The following ADRB3 variants were observed in gnomAD, a reference collection of about 807,000 sequenced individuals.
ADRB3 encodes the protein adrenoceptor beta 3.
ADRB3 carries 33 observed loss-of-function variants against 23.8 expected under a neutral mutation model. The ratio of observed to expected loss-of-function variants is 1.38; its 90% CI spans 1.05 to 1.85. The LOEUF is 1.85. Among genes scored for constraint, ADRB3 ranks in the 40% most tolerant of loss-of-function variants. ADRB3 has a pLI of 0.00. For missense variants in ADRB3, 600 were observed against 579.6 expected, an observed-to-expected ratio of 1.04 and a Z score of -0.36; for synonymous variants, 289 against 273.0, an observed-to-expected ratio of 1.06 and a Z score of -0.58.
At chr8:37,964,802 C>T (rs28744973) in intron 1 of ADRB3, among the ~76,000 whole-genome samples, 3 of 152,194 alleles carry the variant, frequency 2.0e-5, no homozygotes, top group Admixed American at 6.5e-5. Context: ...ATTGGTGGGG[C>T]TCGCCTGTAG....
rs1474162207 is a variant in ADRB3 at position 37,965,314 on chromosome 8, C to T, written c.1156G>A (p.Ala386Thr). ...GGCTGCGCTGGGCTGCTCCGGGCCG[C>T]AGGAACGCCCGAGGGGAAGAGGGCC... ...RPALFPSGVP[A>T]ARSSPAQPRL... is the part of the protein sequence containing the mutation. Residue 386 changes from alanine (A) to threonine (T), a missense_variant, in exon 1 of 2, where the codon GCG becomes ACG. Physicochemically the swap from Ala to Thr is moderately conservative, Grantham distance 58. Coordinates refer to ENST00000345060, the MANE Select transcript of ADRB3 (RefSeq NM_000025.3). 1 of 1,542,732 alleles carries T rather than the reference C, an allele frequency of 6.5e-7. No homozygotes were observed. The highest frequency in any genetic ancestry group is 8.7e-7 in the Non-Finnish European group (1 of 1,149,136).
intron 1 of ADRB3, 87 bp downstream of exon 1, chr8:37,965,178 T>C (rs1808269748): frequency 7.7e-7 from 1 of 1,305,930 alleles, no homozygotes; most frequent in East Asian, 2.8e-5. Context: ...CTTCTCTTAA[T>C]AAACTCCACA....
intron 1 of ADRB3, among the ~76,000 whole-genome samples, chr8:37,964,468 C>T (rs1053797360): frequency 6.9e-6 from 1 of 144,112 alleles, no homozygotes; most frequent in Non-Finnish European, 1.5e-5. Context: ...TACTTCATAC[C>T]GGAAGTGGAT....
intron 1 of ADRB3, 100 bp from the exon 2 acceptor site, chr8:37,964,339 T>C: frequency 3.6e-6 from 4 of 1,112,690 alleles, no homozygotes; most frequent in Non-Finnish European, 5.3e-6. Flanking sequence ...GCATATTTAG[T>C]TACACAAAAA....
In ADRB3 at chr8:37,965,510, G is replaced by A. The variant is rs769696486; in HGVS notation, c.960C>T (p.Pro320=). The part of the protein sequence containing the change: ...LANVLRALGG[P]SLVPGPAFLA... Reference sequence around the variant, plus strand: ...GGAAAGCCGGGCCCGGGACTAGAGAGGGGCCCCCCAGGGCGCGCAGCACGT... The same window carrying A: ...GGAAAGCCGGGCCCGGGACTAGAGAAGGGCCCCCCAGGGCGCGCAGCACGT... The change falls in exon 1 of 2, where the codon CCC becomes CCT. Residue 320 remains proline, a synonymous_variant. Coordinates refer to ENST00000345060, the MANE Select transcript of ADRB3 (RefSeq NM_000025.3). The A allele has an allele frequency of 4.5e-6, 7 of 1,551,962 alleles. No individual in the cohort carries two copies. The South Asian group carries it at 7.1e-5, about 16-fold the overall frequency.
rs759812310 is a variant in ADRB3, at chr8:37,966,449, C to A, written c.21G>T (p.Glu7Asp). 29 of 1,600,898 alleles carry A rather than the reference C, an allele frequency of 1.8e-5. No individual in the cohort carries two copies. The highest frequency in any genetic ancestry group is 2.3e-5 in the Non-Finnish European group (27 of 1,176,234). Residue 7 changes from glutamate (E) to aspartate (D), a missense_variant, in exon 1 of 2, where the codon GAG (glutamate) becomes GAT (aspartate). Physicochemically the swap from Glu to Asp is conservative, Grantham distance 45. Transcript: ENST00000345060. ...CCGGCCATGGGGCAAGAGAGCTGTT[C>A]TCGTGAGGCCACGGAGCCATCCCCG... MAPWPH[E>D]NSSLAPWPDL...
At position 37,965,441 on chromosome 8, in the gene ADRB3, C is replaced by A. The variant is rs189523193; in HGVS notation, c.1029G>T (p.Pro343=). 9 of 1,550,718 alleles carry A rather than the reference C, an allele frequency of 5.8e-6. No individual in the cohort carries two copies. The highest frequency in any genetic ancestry group is 3.3e-4 in the Middle Eastern group (2 of 5,974). The change falls in exon 1 of 2, where the codon CCG becomes CCT. Residue 343 remains proline (P), a synonymous_variant. Transcript: ENST00000345060. ...WLGYANSAFN[P]LIYCRSPDFR... is the part of the protein sequence containing the mutation. ...AGTCCGGGCTGCGGCAGTAGATGAGCGGGTTGAAGGCAGAATTGGCATAAC... is the reference window on the plus strand; with the variant it reads ...AGTCCGGGCTGCGGCAGTAGATGAGAGGGTTGAAGGCAGAATTGGCATAAC...
chr8:37,965,789 A>C lies in ADRB3; in HGVS notation c.681T>G (p.Val227=). 3.9e-6 allele frequency: 6 copies of C among 1,551,736 alleles called. No individual in the cohort carries two copies. The highest frequency in any genetic ancestry group is 5.2e-6 in the Non-Finnish European group (6 of 1,146,998). The change falls in exon 1 of 2, where the codon GTT becomes GTG. Residue 227 remains valine (V), a synonymous_variant. Coordinates refer to ENST00000345060, the MANE Select transcript of ADRB3 (RefSeq NM_000025.3). ...GCAGCTGGCGCGTAGCCACCACGAA[A>C]ACCCGCGCGTAGACGAAGAGCATCA... is the stretch of plus-strand genomic sequence containing the variant. ...LLVMLFVYAR[V]FVVATRQLRL...
Position 37,966,399 on chromosome 8 carries a change from G to A in ADRB3, c.71C>T (p.Thr24Ile). The change falls in exon 1 of 2, where the codon ACC becomes ATC. Residue 24 changes from threonine (T) to isoleucine (I), a missense_variant. Coordinates refer to ENST00000345060, the MANE Select transcript of ADRB3 (RefSeq NM_000025.3). ...CCCTGGCAGCCCACTGGTGTTGGCG[G>A]TATTGGGCGCCAGGGTGGGGAGGTC... The part of the protein sequence containing the change: ...WPDLPTLAPN[T>I]ANTSGLPGVP... 2 of 1,609,248 alleles carry A rather than the reference G, an allele frequency of 1.2e-6. No homozygotes were observed. Among genetic ancestry groups the A allele is most frequent in the Non-Finnish European group, 8.5e-7 (1 of 1,178,592 alleles).
Position 37,963,955 on chromosome 8 carries a change from C to A in ADRB3, c.*263G>T. The A allele has an allele frequency of 2.3e-6, 1 of 428,910 alleles. No homozygotes were observed. The highest frequency in any genetic ancestry group is 4.2e-6 in the Non-Finnish European group (1 of 236,430). 26.6% of individuals were successfully genotyped at this position (428,910 alleles called of 1,614,324 possible). A position where few individuals can be genotyped will look rare whatever the true frequency, so the allele number is the denominator to read the frequency against. On this transcript the variant is annotated 3_prime_UTR_variant, in exon 2 of 2. Coordinates refer to ENST00000345060, the MANE Select transcript of ADRB3 (RefSeq NM_000025.3). ...GGGTGCCCCTACCAAAGCCAGCCTG[C>A]TGCTCCACGGCACCTGGACACTACC... is the stretch of plus-strand genomic sequence containing the variant.
At position 37,965,379 on chromosome 8, in the gene ADRB3, C is replaced by T. The variant is rs1264123405; in HGVS notation, c.1091G>A (p.Gly364Asp). ...SAFRRLLCRC[G>D]RRLPPEPCAA... ...GCAGGGCTCCGGAGGCAGGCGACGG[C>T]CGCAGCGGCACAGAAGACGGCGGAA... Residue 364 changes from glycine (G) to aspartate (D), a missense_variant, in exon 1 of 2, where the codon GGC becomes GAC. Gly to Asp is a moderately conservative substitution (Grantham distance 94, BLOSUM62 -1). Coordinates refer to ENST00000345060, the MANE Select transcript of ADRB3 (RefSeq NM_000025.3). 11 of 1,547,558 alleles carry T rather than the reference C, an allele frequency of 7.1e-6. No homozygotes were observed. The highest frequency in any genetic ancestry group is 9.6e-6 in the Non-Finnish European group (11 of 1,146,020).
rs1808324677 is a variant in ADRB3, at chr8:37,966,506, A to T, written c.-37T>A. The T allele has an allele frequency of 6.5e-7, 1 of 1,543,948 alleles. No homozygotes were observed. Among genetic ancestry groups the T allele is most frequent in the Non-Finnish European group, 8.7e-7 (1 of 1,150,544 alleles). ...GCGTGGGGCGGTAGGGAAAGAAGGA[A>T]GGAGGGGGTCTCCCAAATCACCTGG... is the stretch of plus-strand genomic sequence containing the variant. On this transcript the variant is annotated 5_prime_UTR_variant, in exon 1 of 2. Transcript: ENST00000345060.
chr8:37,964,945 A>T (rs545327216), intron 1 of ADRB3: 79 of 126,450 alleles, frequency 6.2e-4, no homozygotes, highest in Middle Eastern at 3.7e-3. Flanking sequence ...GTCTCTATTT[A>T]AAAAAAAAAA....
rs1431157552 is a variant in ADRB3 at position 37,964,071 on chromosome 8, T to A, written c.*147A>T. The A allele has an allele frequency of 1.5e-6, 1 of 654,786 alleles. No individual in the cohort carries two copies. Among genetic ancestry groups the A allele is most frequent in the Non-Finnish European group, 2.7e-6 (1 of 370,852 alleles). The allele number at this position is 654,786 out of a possible 1,614,324, so 40.6% of individuals were successfully genotyped here. ...ATGGTGAAAACCCACTTGGTAAGGA[T>A]CCCTCCTTGGGTCACATGGCCCAGT... On this transcript the variant is annotated 3_prime_UTR_variant, in exon 2 of 2. Transcript: ENST00000345060.
rs375945939 is a variant in ADRB3, at chr8:37,965,729, G to A, written c.741C>T (p.Pro247=). Residue 247 remains proline, a synonymous_variant, in exon 1 of 2, where the codon CCC becomes CCT. Coordinates refer to ENST00000345060, the MANE Select transcript of ADRB3 (RefSeq NM_000025.3). ...GCGACGGCGCCGGCGGAGACTCCTC[G>A]GGCGGAAAGCGGCCCAGCTCCCCGC... ...LLRGELGRFP[P]EESPPAPSRS... The A allele has an allele frequency of 1.3e-6, 2 of 1,549,442 alleles. No homozygotes were observed. Among genetic ancestry groups the A allele is most frequent in the Non-Finnish European group, 1.7e-6 (2 of 1,146,142 alleles).
Position 37,966,005 on chromosome 8 carries a change from C to T in ADRB3, c.465G>A (p.Arg155=). The T allele has an allele frequency of 1.3e-6, 2 of 1,574,252 alleles. No homozygotes were observed. Among genetic ancestry groups the T allele is most frequent in the South Asian group, 2.3e-5 (2 of 86,218 alleles). ...YGALVTKRCA[R]TAVVLVWVVS... ...CGACCCACACCAGGACCACAGCTGT[C>T]CGGGCGCAGCGCTTGGTGACCAGTG... is the stretch of plus-strand genomic sequence containing the variant. Residue 155 remains arginine (R), a synonymous_variant, in exon 1 of 2, where the codon CGG becomes CGA. Coordinates refer to ENST00000345060, the MANE Select transcript of ADRB3 (RefSeq NM_000025.3).
chr8:37,965,714 C>T lies in ADRB3; in HGVS notation c.756G>A (p.Pro252=), dbSNP rs200111123. ...CCGGGGCCAGAGAGCGCGACGGCGC[C>T]GGCGGAGACTCCTCGGGCGGAAAGC... ...LGRFPPEESP[P]APSRSLAPAP... Residue 252 remains proline (P), a synonymous_variant, in exon 1 of 2, where the codon CCG becomes CCA. Coordinates refer to ENST00000345060, the MANE Select transcript of ADRB3 (RefSeq NM_000025.3). 6.5e-7 allele frequency: 1 copy of T among 1,546,758 alleles called. No individual in the cohort carries two copies. Among genetic ancestry groups the T allele is most frequent in the African/African-American group, 1.4e-5 (1 of 72,792 alleles).
At position 37,966,491 on chromosome 8, in the gene ADRB3, G is replaced by A. The variant is rs370396179; in HGVS notation, c.-22C>T. 1.9e-6 allele frequency: 3 copies of A among 1,564,098 alleles called. No individual in the cohort carries two copies. The highest frequency in any genetic ancestry group is 2.7e-5 in the African/African-American group (2 of 73,988). ...CCATCCCCGGGTCGCGCGTGGGGCG[G>A]TAGGGAAAGAAGGAAGGAGGGGGTC... On this transcript the variant is annotated 5_prime_UTR_variant, in exon 1 of 2. Transcript: ENST00000345060.
rs925312864 is a variant in ADRB3, at chr8:37,965,494, G to A, written c.976C>T (p.Pro326Ser). Residue 326 changes from proline to serine, a missense_variant, in exon 1 of 2, where the codon CCG becomes TCG. Transcript: ENST00000345060. ...ALGGPSLVPG[P>S]AFLALNWLGY... ...AGCCAGTTCAGGGCAAGGAAAGCCG[G>A]GCCCGGGACTAGAGAGGGGCCCCCC... 4 of 1,552,218 alleles carry A rather than the reference G, an allele frequency of 2.6e-6. No homozygotes were observed. Among genetic ancestry groups the A allele is most frequent in the Non-Finnish European group, 3.5e-6 (4 of 1,147,486 alleles).
Sources: gnomAD v4.1 joint callset for allele counts (sites outside exome capture counted in the v4.1 genomes callset) on GRCh38, gnomAD v4.1.1 for gene constraint, MANE v1.5 for transcripts, NCBI Gene and HGNC (gene_info 2026-07-23, HGNC 2026-07-21) for gene names.